TRMT9B: variants seen among roughly 807,000 people sequenced by gnomAD.
The protein encoded by TRMT9B is tRNA methyltransferase 9B (putative), also known as probable tRNA methyltransferase 9B.
A neutral mutation model predicts 11.5 loss-of-function variants in TRMT9B; 16 were observed. That is an observed-to-expected ratio of 1.39 (90% CI 0.94 to 2.11). The LOEUF (loss-of-function observed/expected upper bound fraction) is 2.11, where lower values mean the gene tolerates loss of function less well. Among genes scored for constraint, TRMT9B ranks in the 30% most tolerant of loss-of-function variants. TRMT9B has a pLI of 0.00. For synonymous variants in TRMT9B, 274 were observed against 192.4 expected (o/e 1.42, Z -3.51); for missense variants, 941 against 553.8 (o/e 1.70, Z -7.02).
At chr8:13,006,730 G>A in intron 3 of TRMT9B, 2 of 1,030,050 alleles carry the variant, frequency 1.9e-6, no homozygotes, top group East Asian at 6.9e-5. Context: ...GTGCAGTGGT[G>A]CAATCTCAGC....
chr8:13,028,430 A>T lies in TRMT9B; in HGVS notation c.*6386A>T, dbSNP rs1376859271. 2 of 167,042 alleles carry T rather than the reference A, an allele frequency of 1.2e-5. No homozygotes were observed. The highest frequency in any genetic ancestry group is 1.3e-4 in the Admixed American group (2 of 15,278). The allele number at this position is 167,042 out of a possible 1,614,324, so 10.3% of individuals were successfully genotyped here. Reference sequence around the variant, plus strand: ...ATGGAATATTGATTTTTCTATGAATATTACCTCCACATTGAAAAACGAGTG... The same window carrying T: ...ATGGAATATTGATTTTTCTATGAATTTTACCTCCACATTGAAAAACGAGTG... On this transcript the variant is annotated 3_prime_UTR_variant, in exon 5 of 5. Coordinates refer to ENST00000524591, the MANE Select transcript of TRMT9B (RefSeq NM_020844.3).
intron 3 of TRMT9B, among the ~76,000 whole-genome samples, chr8:13,008,595 G>A (rs1273981990): frequency 6.6e-6 from 1 of 152,170 alleles, no homozygotes; most frequent in East Asian, 1.9e-4. Flanking sequence ...TAACTATATT[G>A]ACAGATAACT....
intron 2 of TRMT9B, among the ~76,000 whole-genome samples, chr8:12,992,632 A>T (rs982468356): frequency 6.6e-6 from 1 of 151,840 alleles, no homozygotes; most frequent in Non-Finnish European, 1.5e-5. Context: ...TAGGCAGATC[A>T]CCTGAGCTCA....
rs986159618 is a variant in TRMT9B, at chr8:13,026,336, A to T, written c.*4292A>T. On this transcript the variant is annotated 3_prime_UTR_variant, in exon 5 of 5. Transcript: ENST00000524591. The stretch of plus-strand genomic sequence containing the variant: ...GGTGGGAATTGAACAATGAGAACAC[A>T]TGGACACAGTAAGGGGAACATCACA... 1.8e-5 allele frequency: 3 copies of T among 167,108 alleles called. No homozygotes were observed. The highest frequency in any genetic ancestry group is 7.2e-5 in the African/African-American group (3 of 41,452). The allele number at this position is 167,108 out of a possible 1,614,324, so 10.4% of individuals were successfully genotyped here.
intron 2 of TRMT9B, among the ~76,000 whole-genome samples, chr8:12,992,942 A>C (rs763516862): frequency 6.6e-5 from 10 of 152,202 alleles, no homozygotes; most frequent in South Asian, 2.1e-4. Flanking sequence ...TTCTTTATGC[A>C]GGAGGAAGAA....
At chr8:12,972,881 G>A (rs909607195) in intron 1 of TRMT9B, among the ~76,000 whole-genome samples, 1 of 152,048 alleles carries the variant, frequency 6.6e-6, no homozygotes. Flanking sequence ...TAACTCAGGG[G>A]CGTTAAATAC....
In TRMT9B at chr8:13,001,295, T is replaced by C. The variant is rs368928398; in HGVS notation, c.-1-4907T>C. Among the ~76,000 whole-genome samples the C allele has an allele frequency of 6.3e-4, 96 of 152,280 alleles. 1 individual carries two copies. Among genetic ancestry groups the C allele is most frequent in the African/African-American group, 2.1e-3 (88 of 41,548 alleles). On this transcript the variant is annotated intron_variant, in intron 2 of 4. Transcript: ENST00000524591. ...CCCATGGACTGGTTCCCTGTAGATCTGGTTTTCAACCTGGGTCCACTCAGT... is the reference window on the plus strand; with the variant it reads ...CCCATGGACTGGTTCCCTGTAGATCCGGTTTTCAACCTGGGTCCACTCAGT...
At chr8:12,993,679 G>T (rs535793540) in intron 2 of TRMT9B, among the ~76,000 whole-genome samples, 16 of 152,312 alleles carry the variant, frequency 1.1e-4, no homozygotes, top group South Asian at 8.3e-4. Flanking sequence ...TGCTATCTCA[G>T]CAGATTCTTT....
At chr8:12,951,142 T>C (rs942217802) in intron 1 of TRMT9B, among the ~76,000 whole-genome samples, 5 of 152,078 alleles carry the variant, frequency 3.3e-5, no homozygotes, top group African/African-American at 9.7e-5. Flanking sequence ...AACTTCTAAG[T>C]TCCACCCCGC....
rs1292055340 is a variant in TRMT9B, at chr8:13,021,301, G to C, written c.622G>C (p.Gly208Arg). The C allele has an allele frequency of 1.2e-6, 2 of 1,613,854 alleles. No individual in the cohort carries two copies. Among genetic ancestry groups the C allele is most frequent in the Admixed American group, 3.3e-5 (2 of 59,992 alleles). ...SCSVCFKEQC[G>R]SKRSHSVGYE... is the part of the protein sequence containing the mutation. ...TTCTGTTTGTTTTAAAGAGCAGTGT[G>C]GTTCAAAACGGTCCCACAGCGTGGG... The change falls in exon 5 of 5, where the codon GGT (glycine) becomes CGT (arginine). Residue 208 changes from glycine (G) to arginine (R), a missense_variant. Coordinates refer to ENST00000524591, the MANE Select transcript of TRMT9B (RefSeq NM_020844.3).
At position 13,025,080 on chromosome 8, in the gene TRMT9B, A is replaced by G. The variant is rs1432450779; in HGVS notation, c.*3036A>G. ...TGATAGATTCTACTGACCTAGCTGG[A>G]GTAATCTGATCACTTACTTCCTTAT... is the stretch of plus-strand genomic sequence containing the variant. On this transcript the variant is annotated 3_prime_UTR_variant, in exon 5 of 5. Coordinates refer to ENST00000524591, the MANE Select transcript of TRMT9B (RefSeq NM_020844.3). The G allele has an allele frequency of 6.0e-6, 1 of 166,902 alleles. No homozygotes were observed. The highest frequency in any genetic ancestry group is 1.5e-5 in the Non-Finnish European group (1 of 68,126). 10.3% of individuals were successfully genotyped at this position (166,902 alleles called of 1,614,324 possible). A position where few individuals can be genotyped will look rare whatever the true frequency, so the allele number is the denominator to read the frequency against.
chr8:12,990,540 G>A (rs1222277162), intron 1 of TRMT9B, among the ~76,000 whole-genome samples: 1 of 152,108 alleles, frequency 6.6e-6, no homozygotes, highest in Non-Finnish European at 1.5e-5. Flanking sequence ...TTAAGCCCCT[G>A]GAATCAGAGA....
intron 1 of TRMT9B, among the ~76,000 whole-genome samples, chr8:12,975,940 T>A (rs949062310): frequency 2.0e-5 from 3 of 152,118 alleles, no homozygotes; most frequent in Non-Finnish European, 4.4e-5. Context: ...CATCAACAAA[T>A]GAATACGATA....
chr8:12,994,767 C>A (rs1215445870), intron 2 of TRMT9B, among the ~76,000 whole-genome samples: 1 of 152,158 alleles, frequency 6.6e-6, no homozygotes, highest in Non-Finnish European at 1.5e-5. Flanking sequence ...CTGCAACCTC[C>A]GCCTTTCGGG....
intron 1 of TRMT9B, chr8:12,958,397 G>A (rs1172575391): frequency 1.3e-5 from 2 of 152,128 alleles, no homozygotes; most frequent in East Asian, 1.9e-4. Context: ...GAAAAGAAAA[G>A]CATTCTTTTC....
chr8:12,950,037 A>T (rs1194861898), intron 1 of TRMT9B, among the ~76,000 whole-genome samples: 1 of 152,122 alleles, frequency 6.6e-6, no homozygotes, highest in Non-Finnish European at 1.5e-5. Flanking sequence ...TATTTCTTTC[A>T]GAAATGAGGT....
intron 1 of TRMT9B, among the ~76,000 whole-genome samples, chr8:12,979,682 A>G (rs1563350199): frequency 1.3e-5 from 2 of 152,204 alleles, no homozygotes; most frequent in South Asian, 2.1e-4. Flanking sequence ...ACCGTACACC[A>G]TTGGTTGTCA....
chr8:12,993,858 C>A (rs1403348892), intron 2 of TRMT9B, among the ~76,000 whole-genome samples: 1 of 152,192 alleles, frequency 6.6e-6, no homozygotes, highest in Admixed American at 6.5e-5. Flanking sequence ...TCAAAATCAA[C>A]TAAAGCAAGA....
At chr8:13,011,010 C>G (rs957049039) in intron 3 of TRMT9B, 5 of 804,734 alleles carry the variant, frequency 6.2e-6, no homozygotes, top group African/African-American at 3.7e-5. Context: ...GAGACAAAAT[C>G]TAACTCTGTC....
Sources: gnomAD v4.1 joint callset for allele counts (sites outside exome capture counted in the v4.1 genomes callset) on GRCh38, gnomAD v4.1.1 for gene constraint, MANE v1.5 for transcripts, NCBI Gene and HGNC (gene_info 2026-07-23, HGNC 2026-07-21) for gene names.